Variants in SEMA6A observed in about 807,000 individuals in gnomAD.
SEMA6A encodes the protein semaphorin 6A, also known as semaphorin-6A.
SEMA6A carries 25 observed loss-of-function variants against 96.8 expected under a neutral mutation model. The ratio of observed to expected loss-of-function variants is 0.26; its 90% CI spans 0.19 to 0.36. The LOEUF is 0.36. SEMA6A is among the 10% of genes least tolerant of loss of function. SEMA6A has a pLI of 1.00. For synonymous variants in SEMA6A, 612 were observed against 518.0 expected, an observed-to-expected ratio of 1.18 and a Z score of -2.46; for missense variants, 1,363 against 1,323.1, an observed-to-expected ratio of 1.03 and a Z score of -0.47.
Position 116,446,969 on chromosome 5 carries a change from C to T in SEMA6A, c.2737G>A (p.Gly913Arg), listed in dbSNP as rs765850706. The change falls in exon 19 of 19, where the codon GGG (glycine) becomes AGG (arginine). Residue 913 changes from glycine to arginine, a missense_variant. Around this residue, in one of 2 missense-constraint regions of SEMA6A, gnomAD observed 883 missense variants for 763.6 expected, o/e 1.16. Transcript: ENST00000343348. ...GGGTAGCTCCTCTTATAGTCAACCC[C>T]GTAGGAAGAGGAGTGGTGCATTTCC... ...RLEMHHSSSY[G>R]VDYKRSYPTN... The T allele has an allele frequency of 1.2e-5, 19 of 1,613,742 alleles. No homozygotes were observed. The highest frequency in any genetic ancestry group is 2.2e-5 in the South Asian group (2 of 91,072).
intron 3 of SEMA6A, chr5:116,499,009 A>C (rs1757745792): frequency 6.6e-6 from 1 of 152,234 alleles, no homozygotes; most frequent in Non-Finnish European, 1.5e-5. Context: ...AAAGTGGATA[A>C]TAATAAAGCA....
At chr5:116,539,567 C>T (rs254221) in intron 1 of SEMA6A, among the ~76,000 whole-genome samples, 9,311 of 150,868 alleles carry the variant, frequency 0.062, 409 homozygotes, top group Non-Finnish European at 0.096. Flanking sequence ...TCCTTCAGTG[C>T]AATACATTTT....
At position 116,447,452 on chromosome 5, in the gene SEMA6A, G is replaced by A. The variant is rs1391698056; in HGVS notation, c.2254C>T (p.Leu752=). ...GACTCTGGGGTGGGGAGGGCCGTCA[G>A]GTCCAGGTGGTGCTGGTCTGCTTTA... ...LIKADQHHLD[L]TALPTPESTP... The change falls in exon 19 of 19, where the codon CTG becomes TTG. Residue 752 remains leucine, a synonymous_variant. Transcript: ENST00000343348. The A allele has an allele frequency of 3.7e-6, 6 of 1,613,980 alleles. No homozygotes were observed. Among genetic ancestry groups the A allele is most frequent in the Non-Finnish European group, 5.1e-6 (6 of 1,179,920 alleles).
chr5:116,478,219 C>T, intron 13 of SEMA6A, 65 bp from the exon 14 acceptor site: 1 of 1,550,224 alleles, frequency 6.5e-7, no homozygotes, highest in South Asian at 1.2e-5. Context: ...CCCACCCTCA[C>T]ATCCCACTTC....
chr5:116,489,061 G>T, intron 7 of SEMA6A, 54 bp from the exon 8 acceptor site: 5 of 1,505,146 alleles, frequency 3.3e-6, no homozygotes, highest in Non-Finnish European at 4.4e-6. Context: ...AGTGGGGGTG[G>T]AGGAATAATA....
intron 1 of SEMA6A, among the ~76,000 whole-genome samples, chr5:116,538,625 T>A (rs1759829104): frequency 6.6e-6 from 1 of 152,212 alleles, no homozygotes; most frequent in Admixed American, 6.5e-5. Context: ...GAAATTTTTT[T>A]ATCTGTCCTT....
chr5:116,542,150 A>T (rs1760001174), intron 1 of SEMA6A, among the ~76,000 whole-genome samples: 1 of 151,998 alleles, frequency 6.6e-6, no homozygotes, highest in Admixed American at 6.5e-5. Context: ...TTTTTTTAAG[A>T]CTTTGCATAG....
At chr5:116,456,260 A>G (rs1438777301) in intron 18 of SEMA6A, among the ~76,000 whole-genome samples, 2 of 152,208 alleles carry the variant, frequency 1.3e-5, no homozygotes, top group Non-Finnish European at 2.9e-5. Flanking sequence ...GTCCTGCCCA[A>G]AGTTTCAGCC....
intron 3 of SEMA6A, among the ~76,000 whole-genome samples, chr5:116,500,864 G>T (rs1757844434): frequency 6.6e-6 from 1 of 152,092 alleles, no homozygotes; most frequent in African/African-American, 2.4e-5. Flanking sequence ...AAATTAGCTG[G>T]GCGTGGTGGC....
At position 116,447,158 on chromosome 5, in the gene SEMA6A, G is replaced by C. The variant is rs756962476; in HGVS notation, c.2548C>G (p.Leu850Val). Reference sequence around the variant, plus strand: ...TGTTCCTTGATGGTCTTATACTCCAGTGTGGCGGCCTGGTCCTCCAGCGCC... The same window carrying C: ...TGTTCCTTGATGGTCTTATACTCCACTGTGGCGGCCTGGTCCTCCAGCGCC... The part of the protein sequence containing the change: ...QMALEDQAAT[L>V]EYKTIKEHLS... The change falls in exon 19 of 19, where the codon CTG becomes GTG. Residue 850 changes from leucine (L) to valine (V), a missense_variant. Physicochemically the swap from Leu to Val is conservative, Grantham distance 32 (BLOSUM62 1). Around this residue, in one of 2 missense-constraint regions of SEMA6A, gnomAD observed 883 missense variants for 763.6 expected, o/e 1.16. Coordinates refer to ENST00000343348, the MANE Select transcript of SEMA6A (RefSeq NM_020796.5). The C allele has an allele frequency of 6.2e-7, 1 of 1,614,022 alleles. No individual in the cohort carries two copies. The highest frequency in any genetic ancestry group is 1.1e-5 in the South Asian group (1 of 91,090).
In SEMA6A at chr5:116,491,686, G is replaced by T. The variant is rs1333552708; in HGVS notation, c.535+54C>A. 2.2e-5 allele frequency: 30 copies of T among 1,335,148 alleles called. 1 individual carries two copies. In the South Asian group the frequency reaches 3.4e-4, roughly 15 times the overall value. The allele number at this position is 1,335,148 out of a possible 1,614,324, so 82.7% of individuals were successfully genotyped here. On this transcript the variant is annotated intron_variant, in intron 7 of 18. Coordinates refer to ENST00000343348, the MANE Select transcript of SEMA6A (RefSeq NM_020796.5). ...GAATCCTCTAGAGCAGATTCACAGTGACAGGATGAAACAAGCAAAAGCAAG... is the reference window on the plus strand; with the variant it reads ...GAATCCTCTAGAGCAGATTCACAGTTACAGGATGAAACAAGCAAAAGCAAG...
Position 116,488,720 on chromosome 5 carries a change from AG to A in SEMA6A, c.655+167del, listed in dbSNP as rs558462630. On this transcript the variant is annotated intron_variant, in intron 8 of 18. Coordinates refer to ENST00000343348, the MANE Select transcript of SEMA6A (RefSeq NM_020796.5). ...TCCAGAAACTCAGGGGAAGGAAAAA[AG>A]GGAGGTAAATAAATCAGTTGAAGCC... Among the ~76,000 whole-genome samples the A allele has an allele frequency of 2.0e-3, 308 of 152,310 alleles. 1 individual carries two copies. The highest frequency in any genetic ancestry group is 6.5e-3 in the African/African-American group (269 of 41,580).
intron 1 of SEMA6A, among the ~76,000 whole-genome samples, chr5:116,538,801 T>A (rs180773059): frequency 0.015 from 2,220 of 152,010 alleles, 46 homozygotes; most frequent in African/African-American, 0.051. Context: ...CTTGTCACCA[T>A]CACCATCATC....
intron 1 of SEMA6A, among the ~76,000 whole-genome samples, chr5:116,560,499 CT>C (rs1760779390): frequency 6.6e-6 from 1 of 151,158 alleles, no homozygotes; most frequent in Admixed American, 6.6e-5. Context: ...AGTACAATGA[CT>C]TTTGTCAGAG....
At chr5:116,510,155 T>A (rs1460169605) in intron 1 of SEMA6A, among the ~76,000 whole-genome samples, 4 of 152,198 alleles carry the variant, frequency 2.6e-5, no homozygotes, top group Non-Finnish European at 5.9e-5. Flanking sequence ...CTATACTGCC[T>A]AGTCTCAACT....
At chr5:116,451,996 G>T (rs1754670055) in intron 18 of SEMA6A, among the ~76,000 whole-genome samples, 1 of 149,808 alleles carries the variant, frequency 6.7e-6, no homozygotes, top group Non-Finnish European at 1.5e-5. Flanking sequence ...TCTGCAAAGG[G>T]CAAAGGGCAA....
At chr5:116,448,746 A>G (rs1754434530) in intron 18 of SEMA6A, among the ~76,000 whole-genome samples, 1 of 117,494 alleles carries the variant, frequency 8.5e-6, no homozygotes, top group Non-Finnish European at 1.7e-5. Context: ...CTGATTTTGC[A>G]TCACCTCTCA....
intron 8 of SEMA6A, among the ~76,000 whole-genome samples, 178 bp downstream of exon 8, chr5:116,488,710 G>T (rs186803658): frequency 2.0e-5 from 3 of 151,866 alleles, no homozygotes; most frequent in Admixed American, 1.3e-4. Context: ...AAACTCAGGG[G>T]AAGGAAAAAA....
intron 3 of SEMA6A, among the ~76,000 whole-genome samples, chr5:116,500,620 T>C (rs1757831345): frequency 6.6e-6 from 1 of 152,188 alleles, no homozygotes; most frequent in Non-Finnish European, 1.5e-5. Flanking sequence ...AACTTTATGT[T>C]GCACAGCTTA....
Sources: gnomAD v4.1 joint callset for allele counts (sites outside exome capture counted in the v4.1 genomes callset) on GRCh38, gnomAD v4.1.1 for gene constraint, gnomAD v4.1.1 regional missense constraint, MANE v1.5 for transcripts, NCBI Gene and HGNC (gene_info 2026-07-23, HGNC 2026-07-21) for gene names.